The following BCKDHB variants were observed in gnomAD, a reference collection of about 807,000 sequenced individuals.
The protein encoded by BCKDHB is branched chain keto acid dehydrogenase E1 subunit beta, also known as 2-oxoisovalerate dehydrogenase subunit beta, mitochondrial.
Under a neutral mutation model 48.5 loss-of-function variants are expected in BCKDHB, and 41 were observed. The ratio of observed to expected loss-of-function variants is 0.85; its 90% CI spans 0.66 to 1.10. BCKDHB has a LOEUF of 1.10. Ranked by LOEUF, BCKDHB falls within the 50% of genes least tolerant of loss-of-function variation. BCKDHB has a pLI of 0.00. For synonymous variants in BCKDHB, 201 were observed against 174.8 expected, an observed-to-expected ratio of 1.15 and a Z score of -1.18; for missense variants, 496 against 494.2, an observed-to-expected ratio of 1.00 and a Z score of -0.03.
the BCKDHB span, among the ~76,000 whole-genome samples, chr6:80,418,716 TG>T: frequency 1.3e-5 from 2 of 152,164 alleles, no homozygotes; most frequent in Non-Finnish European, 2.9e-5. Context: ...TGATAGGTGG[TG>T]TTAACCAAAG....
intron 8 of BCKDHB, among the ~76,000 whole-genome samples, chr6:80,206,556 T>A (rs1774671961): frequency 6.6e-6 from 1 of 151,832 alleles, no homozygotes; most frequent in East Asian, 1.9e-4. Context: ...TGTGTGTGTG[T>A]GTGTGTGTGT....
chr6:80,370,795 C>G, the BCKDHB span, among the ~76,000 whole-genome samples: 1 of 87,774 alleles, frequency 1.1e-5, no homozygotes, highest in African/African-American at 4.8e-5. Flanking sequence ...GTATATATAG[C>G]GTGTGTGTGT....
chr6:80,337,563 C>T (rs1427221739), intron 9 of BCKDHB, among the ~76,000 whole-genome samples: 1 of 151,588 alleles, frequency 6.6e-6, no homozygotes, highest in Admixed American at 6.6e-5. Flanking sequence ...GCTCCATGAT[C>T]GCTATATGTT....
At chr6:80,297,359 A>G (rs1767309098) in intron 9 of BCKDHB, among the ~76,000 whole-genome samples, 1 of 152,210 alleles carries the variant, frequency 6.6e-6, no homozygotes, top group Non-Finnish European at 1.5e-5. Flanking sequence ...TATGAAGTAA[A>G]TGACATTACA....
chr6:80,241,244 A>G (rs1202726934), intron 8 of BCKDHB, among the ~76,000 whole-genome samples: 1 of 152,132 alleles, frequency 6.6e-6, no homozygotes, highest in African/African-American at 2.4e-5. Flanking sequence ...TCTGAAGCCT[A>G]CTTCTGTCAA....
chr6:80,181,368 C>G (rs563531858), intron 6 of BCKDHB, among the ~76,000 whole-genome samples: 1 of 152,166 alleles, frequency 6.6e-6, no homozygotes, highest in South Asian at 2.1e-4. Context: ...ATTTATTTTT[C>G]TCATTATAAA....
At chr6:80,131,339 A>G (rs1218462039) in intron 3 of BCKDHB, among the ~76,000 whole-genome samples, 1 of 152,118 alleles carries the variant, frequency 6.6e-6, no homozygotes, top group African/African-American at 2.4e-5. Flanking sequence ...TGCATTTCCT[A>G]TTTTGGTGAA....
chr6:80,106,916 C>A (rs1014537441), intron 1 of BCKDHB, 27 bp downstream of exon 1: 1 of 1,579,688 alleles, frequency 6.3e-7, no homozygotes, highest in East Asian at 2.3e-5. Context: ...CCCACTCGGT[C>A]CCGCTGCAGC....
chr6:80,169,828 AT>A, intron 5 of BCKDHB: 1 of 1,609,142 alleles, frequency 6.2e-7, no homozygotes, highest in Non-Finnish European at 8.5e-7. Context: ...TTATAAGCTT[AT>A]CTTAGTTGAG....
the BCKDHB span, among the ~76,000 whole-genome samples, chr6:80,427,630 C>G: frequency 6.6e-6 from 1 of 151,744 alleles, no homozygotes; most frequent in Non-Finnish European, 1.5e-5. Flanking sequence ...CTTTTTGTGC[C>G]TGACTGATGA....
chr6:80,268,666 G>A (rs139314971), intron 8 of BCKDHB, among the ~76,000 whole-genome samples: 2 of 152,182 alleles, frequency 1.3e-5, no homozygotes, highest in Non-Finnish European at 2.9e-5. Flanking sequence ...AAATGTCGAT[G>A]TTGTACTTTC....
chr6:80,155,765 G>A (rs1404645562), intron 3 of BCKDHB, among the ~76,000 whole-genome samples: 1 of 150,050 alleles, frequency 6.7e-6, no homozygotes, highest in Non-Finnish European at 1.5e-5. Context: ...ATATAGGAAT[G>A]TACTTATATT....
intron 8 of BCKDHB, among the ~76,000 whole-genome samples, chr6:80,235,018 G>C (rs367900146): frequency 2.0e-5 from 3 of 152,124 alleles, no homozygotes; most frequent in East Asian, 3.9e-4. Flanking sequence ...CAAATAGTAG[G>C]GGGAGTGGAG....
the BCKDHB span, among the ~76,000 whole-genome samples, chr6:80,425,766 T>A: frequency 1.3e-5 from 2 of 152,156 alleles, no homozygotes; most frequent in Non-Finnish European, 2.9e-5. Flanking sequence ...GTTTTGTATT[T>A]GGAAAGGGGG....
intron 9 of BCKDHB, among the ~76,000 whole-genome samples, chr6:80,285,312 A>G (rs542445160): frequency 6.6e-6 from 1 of 152,344 alleles, no homozygotes; most frequent in East Asian, 1.9e-4. Context: ...GAAGTACTGC[A>G]TAAATGTTGA....
the BCKDHB span, among the ~76,000 whole-genome samples, chr6:80,458,058 G>C: frequency 6.6e-6 from 1 of 152,126 alleles, no homozygotes; most frequent in African/African-American, 2.4e-5. Flanking sequence ...ATTCTCTTTT[G>C]TGTCTATCAC....
At chr6:80,312,578 G>A (rs1268367142) in intron 9 of BCKDHB, among the ~76,000 whole-genome samples, 11 of 152,074 alleles carry the variant, frequency 7.2e-5, no homozygotes, top group Admixed American at 7.2e-4. Flanking sequence ...TACATATATG[G>A]CTCTTAGTAG....
the BCKDHB span, among the ~76,000 whole-genome samples, chr6:80,459,968 T>TA: frequency 3.4e-4 from 52 of 152,088 alleles, 1 homozygote; most frequent in African/African-American, 1.2e-3. Flanking sequence ...GGAATTTCAG[T>TA]AAAAAAGGTT....
chr6:80,130,989 A>G (rs1345245659), intron 3 of BCKDHB, among the ~76,000 whole-genome samples: 36 of 152,162 alleles, frequency 2.4e-4, no homozygotes. Flanking sequence ...TGCGTCAGGT[A>G]CTGTTCTGAG....
Sources: gnomAD v4.1 joint callset for allele counts (sites outside exome capture counted in the v4.1 genomes callset) on GRCh38, gnomAD v4.1.1 for gene constraint, MANE v1.5 for transcripts, NCBI Gene and HGNC (gene_info 2026-07-23, HGNC 2026-07-21) for gene names.